Variants in GALC observed in about 807,000 individuals in gnomAD.
GALC encodes the protein galactocerebrosidase.
Under a neutral mutation model 91.8 loss-of-function variants are expected in GALC, and 77 were observed. The observed-to-expected ratio is 0.84, with a 90% confidence interval of 0.70 to 1.01. The LOEUF is 1.01. Ranked by LOEUF, GALC falls within the 50% of genes least tolerant of loss-of-function variation. The pLI, the probability that GALC is intolerant of heterozygous loss-of-function variation, is 0.00. For synonymous variants in GALC, 357 were observed against 306.7 expected (o/e 1.16, Z -1.71); for missense variants, 882 against 855.9 (o/e 1.03, Z -0.38).
At chr14:87,988,072 A>T in intron 3 of GALC, 72 bp downstream of exon 3, 1 of 1,154,038 alleles carries the variant, frequency 8.7e-7, no homozygotes, top group Non-Finnish European at 1.3e-6. Context: ...CATATTCTGA[A>T]ATCACAGTCC....
chr14:87,993,213 G>T (rs1187868595), upstream of GALC: 3 of 1,550,550 alleles, frequency 1.9e-6, no homozygotes, highest in Non-Finnish European at 2.6e-6. Flanking sequence ...TCCCGTCGCC[G>T]CCACGATAGA....
chr14:87,943,372 C>G lies in GALC; in HGVS notation c.1671-1814G>C, dbSNP rs142929892. ...TTACTGTGCTGGTAAATGACTAAAT[C>G]TAGGTATAAGAGAGGAAGTTCTACT... On this transcript the variant is annotated intron_variant, in intron 14 of 16. Coordinates refer to ENST00000261304, the MANE Select transcript of GALC (RefSeq NM_000153.4). 3.7e-4 allele frequency among the ~76,000 whole-genome samples: 57 copies of G among 152,110 alleles called. No homozygotes were observed. The East Asian group carries it at 9.9e-3, about 26-fold the overall frequency.
chr14:87,992,513 C>G, intron 1 of GALC: 2 of 1,530,672 alleles, frequency 1.3e-6, no homozygotes, highest in South Asian at 2.4e-5. Context: ...CCACCAACTC[C>G]TCCAAAAGGG....
chr14:87,961,502 G>A (rs913473635), intron 10 of GALC, among the ~76,000 whole-genome samples: 1 of 152,096 alleles, frequency 6.6e-6, no homozygotes, highest in Non-Finnish European at 1.5e-5. Flanking sequence ...AGAAAAACTT[G>A]TACACATATG....
chr14:87,987,399 C>T (rs945889850), intron 3 of GALC, among the ~76,000 whole-genome samples: 2 of 152,192 alleles, frequency 1.3e-5, no homozygotes, highest in Non-Finnish European at 2.9e-5. Context: ...AACAGTAAAA[C>T]GCAATAGCTT....
rs1279024853 is a variant in GALC, at chr14:87,933,785, A to C, written c.*947T>G. ...ATATAAACATATTTGGACTTTAAAA[A>C]GTAAGTACATCTTAGGAGATGATCC... On this transcript the variant is annotated 3_prime_UTR_variant, in exon 17 of 17. Transcript: ENST00000261304. 1.9e-6 allele frequency: 1 copy of C among 513,086 alleles called. No individual in the cohort carries two copies. Among genetic ancestry groups the C allele is most frequent in the Non-Finnish European group, 3.5e-6 (1 of 289,660 alleles). The allele number at this position is 513,086 out of a possible 1,614,324, so 31.8% of individuals were successfully genotyped here.
chr14:87,963,813 A>G (rs951198212), intron 9 of GALC, among the ~76,000 whole-genome samples: 2 of 152,086 alleles, frequency 1.3e-5, no homozygotes, highest in African/African-American at 4.8e-5. Flanking sequence ...AACTTGGTTC[A>G]TCACTATTTA....
intron 4 of GALC, 148 bp downstream of exon 4, chr14:87,986,340 CT>C (rs1196560066): frequency 1.5e-5 from 10 of 681,482 alleles, no homozygotes; most frequent in African/African-American, 3.5e-5. Flanking sequence ...AGGATCACCC[CT>C]GGCACATGCT....
chr14:87,949,104 A>C (rs1885199961), intron 12 of GALC, among the ~76,000 whole-genome samples: 1 of 151,954 alleles, frequency 6.6e-6, no homozygotes, highest in Non-Finnish European at 1.5e-5. Context: ...AAGACTGGTG[A>C]GGAAGCGTCA....
chr14:87,971,903 G>C (rs1039362303), intron 7 of GALC, among the ~76,000 whole-genome samples: 5 of 147,824 alleles, frequency 3.4e-5, no homozygotes, highest in Admixed American at 1.3e-4. Flanking sequence ...AGTTGAATAA[G>C]GCAGGAACGC....
At chr14:87,936,244 C>T (rs1884561284) in intron 16 of GALC, among the ~76,000 whole-genome samples, 1 of 152,044 alleles carries the variant, frequency 6.6e-6, no homozygotes, top group South Asian at 2.1e-4. Context: ...GTTAGAGAAT[C>T]AGGGTAACAG....
In GALC at chr14:87,954,732, C is replaced by T. The variant is rs181032750; in HGVS notation, c.1162-3984G>A. 5.7e-4 allele frequency: 892 copies of T among 1,559,758 alleles called. 5 individuals carry two copies. The African/African-American group carries it at 0.011, about 19-fold the overall frequency. On this transcript the variant is annotated intron_variant, in intron 10 of 16. Transcript: ENST00000261304. Reference sequence around the variant, plus strand: ...GCAGCTCAGAAGATAGCTCTAAATGCTCACAGTTCTCTGAAGAGTATTTCT... The same window carrying T: ...GCAGCTCAGAAGATAGCTCTAAATGTTCACAGTTCTCTGAAGAGTATTTCT...
At chr14:87,936,637 T>C (rs1050975571) in intron 16 of GALC, among the ~76,000 whole-genome samples, 8 of 151,854 alleles carry the variant, frequency 5.3e-5, no homozygotes, top group African/African-American at 1.9e-4. Flanking sequence ...CCCTAGGACT[T>C]AGTAAAGTGC....
At chr14:87,987,715 A>T (rs1281833428) in intron 3 of GALC, 1 of 162,824 alleles carries the variant, frequency 6.1e-6, no homozygotes, top group East Asian at 1.8e-4. Flanking sequence ...CTGAAGATTT[A>T]GTGATTAAAG....
At chr14:87,965,102 T>C (rs181007046) in intron 9 of GALC, among the ~76,000 whole-genome samples, 14 of 152,302 alleles carry the variant, frequency 9.2e-5, no homozygotes, top group South Asian at 8.3e-4. Flanking sequence ...TAGCATACGA[T>C]TGTAATTGAA....
chr14:87,933,959 C>G lies in GALC; in HGVS notation c.*773G>C, dbSNP rs375587703. Reference sequence around the variant, plus strand: ...GATGAGGCTGAGGAAACGACTACAACAGCATTGGCTATATCAGGTTTTCTT... The same window carrying G: ...GATGAGGCTGAGGAAACGACTACAAGAGCATTGGCTATATCAGGTTTTCTT... On this transcript the variant is annotated 3_prime_UTR_variant, in exon 17 of 17. Coordinates refer to ENST00000261304, the MANE Select transcript of GALC (RefSeq NM_000153.4). 1.7e-5 allele frequency: 26 copies of G among 1,529,966 alleles called. No homozygotes were observed. Among genetic ancestry groups the G allele is most frequent in the African/African-American group, 1.1e-4 (8 of 72,830 alleles). The allele number at this position is 1,529,966 out of a possible 1,614,324, so 94.8% of individuals were successfully genotyped here. A position where few individuals can be genotyped will look rare whatever the true frequency, so the allele number is the denominator to read the frequency against.
intron 16 of GALC, among the ~76,000 whole-genome samples, chr14:87,937,501 G>A (rs1377295428): frequency 6.6e-6 from 1 of 151,890 alleles, no homozygotes; most frequent in African/African-American, 2.4e-5. Context: ...AACAGGAGTA[G>A]GGGAGTGAGG....
At chr14:87,953,835 C>G in intron 10 of GALC, 2 of 1,609,592 alleles carry the variant, frequency 1.2e-6, no homozygotes, top group Non-Finnish European at 1.7e-6. Flanking sequence ...AGTCATGGTG[C>G]TATCTCCATG....
In GALC at chr14:87,984,468, G is replaced by C. The variant is rs945644536; in HGVS notation, c.508C>G (p.Leu170Val). Reference sequence around the variant, plus strand: ...CAGGTCACGACATAATAGGCAGTCAGCTGAAGATTGACATAAGGCCAGTCG... The same window carrying C: ...CAGGTCACGACATAATAGGCAGTCACCTGAAGATTGACATAAGGCCAGTCG... ...GFDWPYVNLQ[L>V]TAYYVVTWIV... is the part of the protein sequence containing the mutation. Residue 170 changes from leucine to valine, a missense_variant, in exon 5 of 17, where the codon CTG (leucine) becomes GTG (valine). Coordinates refer to ENST00000261304, the MANE Select transcript of GALC (RefSeq NM_000153.4). The C allele has an allele frequency of 1.2e-6, 2 of 1,614,068 alleles. No homozygotes were observed. Among genetic ancestry groups the C allele is most frequent in the Non-Finnish European group, 1.7e-6 (2 of 1,179,944 alleles).
Sources: allele counts gnomAD v4.1 joint callset (sites outside exome capture counted in the v4.1 genomes callset), GRCh38; gene constraint gnomAD v4.1.1; transcripts MANE v1.5; gene names NCBI Gene and HGNC (gene_info 2026-07-23, HGNC 2026-07-21).